Variants in TXNDC11 observed in about 807,000 individuals in gnomAD.
TXNDC11 encodes the protein thioredoxin domain-containing protein 11.
TXNDC11 carries 68 observed loss-of-function variants against 78.0 expected under a neutral mutation model. The observed-to-expected ratio is 0.87, with a 90% CI of 0.72 to 1.07. The LOEUF (loss-of-function observed/expected upper bound fraction) is 1.07, where lower values mean the gene tolerates loss of function less well. TXNDC11 is among the 50% of genes least tolerant of loss of function. TXNDC11 has a pLI of 0.00. For synonymous variants in TXNDC11, 571 were observed against 495.2 expected, an observed-to-expected ratio of 1.15 and a Z score of -2.03; for missense variants, 1,389 against 1,221.8, an observed-to-expected ratio of 1.14 and a Z score of -2.04.
chr16:11,742,425 G>C, intron 1 of TXNDC11, 52 bp downstream of exon 1: 1 of 1,320,706 alleles, frequency 7.6e-7, no homozygotes, highest in South Asian at 1.8e-5. Flanking sequence ...GGCTCCAGGC[G>C]GCAGAGCAAG....
chr16:11,711,812 C>T (rs2051370621), intron 5 of TXNDC11, among the ~76,000 whole-genome samples: 1 of 152,198 alleles, frequency 6.6e-6, no homozygotes, highest in South Asian at 2.1e-4. Flanking sequence ...TCGGTTTCTC[C>T]ATCTGTGAAA....
Position 11,679,209 on chromosome 16 carries a change from TCTC to T in TXNDC11, c.2860_2862del (p.Glu954del), listed in dbSNP as rs767708463. 3 of 1,613,674 alleles carry T rather than the reference TCTC, an allele frequency of 1.9e-6. No homozygotes were observed. The highest frequency in any genetic ancestry group is 2.2e-5 in the East Asian group (1 of 44,900). On this transcript the variant is annotated inframe_deletion, in exon 12 of 12. Coordinates refer to ENST00000283033, the MANE Select transcript of TXNDC11 (RefSeq NM_015914.7). The surrounding 1 kb of genome is among the most constrained non-coding windows in gnomAD (Gnocchi z 4.6). ...CATTTAAAAAGTTAGTCTGTCCTGT[TCTC>T]CTTATTCCTTTCAGACACCAGTGTG...
At chr16:11,706,028 T>G (rs149880797) in intron 5 of TXNDC11, among the ~76,000 whole-genome samples, 3 of 152,280 alleles carry the variant, frequency 2.0e-5, no homozygotes, top group African/African-American at 7.2e-5. Flanking sequence ...TGGAATTTGT[T>G]GGACAATTAA....
chr16:11,728,024 A>G (rs371206935), intron 4 of TXNDC11, among the ~76,000 whole-genome samples: 90 of 152,308 alleles, frequency 5.9e-4, no homozygotes, highest in African/African-American at 2.1e-3. Context: ...CCCCCAAAAC[A>G]CAGAATTATC....
intron 5 of TXNDC11, among the ~76,000 whole-genome samples, chr16:11,709,536 G>C (rs1039955868): frequency 7.3e-6 from 1 of 136,440 alleles, no homozygotes; most frequent in South Asian, 2.4e-4. Flanking sequence ...CCGGGTTCAC[G>C]CCATTCTCCT....
intron 1 of TXNDC11, among the ~76,000 whole-genome samples, chr16:11,737,444 TAAA>T (rs879331283): frequency 9.0e-6 from 1 of 111,428 alleles, no homozygotes; most frequent in Non-Finnish European, 1.9e-5. Flanking sequence ...AAACTCCATC[TAAA>T]AAAAAAAAAA....
intron 6 of TXNDC11, among the ~76,000 whole-genome samples, chr16:11,699,983 A>C (rs1597434406): frequency 6.6e-6 from 1 of 152,250 alleles, no homozygotes; most frequent in African/African-American, 2.4e-5. Flanking sequence ...CTCTGGGATG[A>C]GAAGCCATCA....
chr16:11,742,618 G>C lies in TXNDC11; in HGVS notation c.113C>G (p.Thr38Ser). 1 of 1,463,720 alleles carries C rather than the reference G, an allele frequency of 6.8e-7. No individual in the cohort carries two copies. Among genetic ancestry groups the C allele is most frequent in the Non-Finnish European group, 9.0e-7 (1 of 1,114,014 alleles). 90.7% of individuals were successfully genotyped at this position (1,463,720 alleles called of 1,614,324 possible). A position where few individuals can be genotyped will look rare whatever the true frequency, so the allele number is the denominator to read the frequency against. The change falls in exon 1 of 12, where the codon ACC (threonine) becomes AGC (serine). Residue 38 changes from threonine (T) to serine (S), a missense_variant. Thr to Ser is a moderately conservative substitution (Grantham distance 58). Coordinates refer to ENST00000283033, the MANE Select transcript of TXNDC11 (RefSeq NM_015914.7). ...GCCCGCCGAGGACGCTGTGGCCAGG[G>C]TCGGGCTCGAGCTGAGGCAGTCTGA... is the stretch of plus-strand genomic sequence containing the variant. ...AGSDCLSSSP[T>S]LATASSAGRL...
chr16:11,709,796 A>C (rs1337895320), intron 5 of TXNDC11, among the ~76,000 whole-genome samples: 1 of 152,206 alleles, frequency 6.6e-6, no homozygotes, highest in Non-Finnish European at 1.5e-5. Flanking sequence ...TTCCAAGTAC[A>C]TGATTTTAGG....
chr16:11,734,167 G>A, intron 2 of TXNDC11, 88 bp from the exon 3 acceptor site: 1 of 842,628 alleles, frequency 1.2e-6, no homozygotes, highest in Non-Finnish European at 1.9e-6. Context: ...AAAATAGAAT[G>A]ATTCCTCTCT....
At chr16:11,721,730 G>C in intron 4 of TXNDC11, 60 bp from the exon 5 acceptor site, 1 of 934,210 alleles carries the variant, frequency 1.1e-6, no homozygotes, top group Non-Finnish European at 1.7e-6. Flanking sequence ...TGTAATGGAG[G>C]ATATTTTAAA....
chr16:11,739,009 AAG>A (rs1339324582), intron 1 of TXNDC11, among the ~76,000 whole-genome samples: 2 of 152,132 alleles, frequency 1.3e-5, no homozygotes, highest in Non-Finnish European at 2.9e-5. Flanking sequence ...CCTGGGAAAA[AAG>A]AGCAAAACTC....
chr16:11,736,343 T>C (rs2052220713), intron 1 of TXNDC11, 110 bp from the exon 2 acceptor site: 5 of 871,890 alleles, frequency 5.7e-6, no homozygotes, highest in Non-Finnish European at 8.8e-6. Flanking sequence ...AATAAGAAAA[T>C]GGAGTCCCAA....
intron 5 of TXNDC11, among the ~76,000 whole-genome samples, chr16:11,710,245 A>C (rs1197263796): frequency 6.6e-6 from 1 of 152,014 alleles, no homozygotes; most frequent in Non-Finnish European, 1.5e-5. Flanking sequence ...GACTCTGCAA[A>C]CTAAATATAT....
intron 7 of TXNDC11, among the ~76,000 whole-genome samples, chr16:11,693,552 TAAA>T (rs920391964): frequency 3.9e-5 from 6 of 151,962 alleles, no homozygotes; most frequent in East Asian, 1.9e-4. Flanking sequence ...AAAATAAAAA[TAAA>T]AAAGTTTTAT....
At chr16:11,680,436 G>A (rs555384242) in intron 11 of TXNDC11, among the ~76,000 whole-genome samples, 4 of 152,288 alleles carry the variant, frequency 2.6e-5, no homozygotes, top group East Asian at 3.9e-4. Context: ...CCCAACCAAA[G>A]GACTATGAAT....
At chr16:11,727,195 AT>A (rs147902060) in intron 4 of TXNDC11, among the ~76,000 whole-genome samples, 10,219 of 151,914 alleles carry the variant, frequency 0.067, 479 homozygotes, top group South Asian at 0.18. Context: ...TAATTAATCA[AT>A]TTTTTTTCTT....
In TXNDC11 at chr16:11,709,423, A is replaced by ATTTTT. The variant is rs149701958; in HGVS notation, c.794-8864_794-8860dup. 6.1e-4 allele frequency among the ~76,000 whole-genome samples: 34 copies of ATTTTT among 55,570 alleles called. 2 individuals carry two copies. The highest frequency in any genetic ancestry group is 2.1e-3 in the African/African-American group (27 of 12,750). 36.5% of individuals were successfully genotyped at this position (55,570 alleles called of 152,430 possible). ...CCACCATGCGTAGCTAATTTTTTGT[A>ATTTTT]TTTTTTTTTTTTTTTTTTTTTTTTT... On this transcript the variant is annotated intron_variant, in intron 5 of 11. Coordinates refer to ENST00000283033, the MANE Select transcript of TXNDC11 (RefSeq NM_015914.7).
At position 11,700,558 on chromosome 16, in the gene TXNDC11, A is replaced by C; in HGVS notation, c.800T>G (p.Leu267Arg). The change falls in exon 6 of 12, where the codon CTA (leucine) becomes CGA (arginine). Residue 267 changes from leucine (L) to arginine (R), a missense_variant. By Grantham distance (102) the Leu-to-Arg change is moderately radical. Coordinates refer to ENST00000283033, the MANE Select transcript of TXNDC11 (RefSeq NM_015914.7). ...GATAACCCCAAATCGTACTGTTCCT[A>C]GGTAATCTGAAACAGAAAATTTTCC... ...SALHSLKKDY[L>R]GTVRFGVITN... The C allele has an allele frequency of 1.3e-6, 2 of 1,571,390 alleles. No individual in the cohort carries two copies. The highest frequency in any genetic ancestry group is 1.7e-6 in the Non-Finnish European group (2 of 1,143,246).
Sources: allele counts gnomAD v4.1 joint callset (sites outside exome capture counted in the v4.1 genomes callset), GRCh38; gene constraint gnomAD v4.1.1; non-coding constraint Gnocchi (gnomAD v3.1); transcripts MANE v1.5; gene names NCBI Gene and HGNC (gene_info 2026-07-23, HGNC 2026-07-21).